The following B4GALNT4 variants were observed in gnomAD, a reference collection of about 807,000 sequenced individuals.
B4GALNT4 encodes beta-1,4-N-acetyl-galactosaminyltransferase 4, also known as N-acetyl-beta-glucosaminyl-glycoprotein 4-beta-N-acetylgalactosaminyltransferase 1.
A neutral mutation model predicts 110.0 loss-of-function variants in B4GALNT4; 77 were observed. That is an observed-to-expected ratio of 0.70 (90% CI 0.58 to 0.85). The LOEUF is 0.85. B4GALNT4 is among the 40% of genes least tolerant of loss of function. The pLI is 0.00. For synonymous variants in B4GALNT4, 785 were observed against 655.5 expected (o/e 1.20, Z -3.02); for missense variants, 1,575 against 1,506.0 (o/e 1.05, Z -0.76).
rs1387794174 is a variant in B4GALNT4 at position 373,098 on chromosome 11, A to G, written c.517A>G (p.Ile173Val). 5 of 1,612,060 alleles carry G rather than the reference A, an allele frequency of 3.1e-6. No homozygotes were observed. Among genetic ancestry groups the G allele is most frequent in the African/African-American group, 1.3e-5 (1 of 74,688 alleles). ...KNYGLRIFGF[I>V]HPARDGDVQF... Reference sequence around the variant, plus strand: ...CTATGGACTCCGTATTTTTGGTTTCATCCACCCGGCGAGGGACGGTACGGG... The same window carrying G: ...CTATGGACTCCGTATTTTTGGTTTCGTCCACCCGGCGAGGGACGGTACGGG... Residue 173 changes from isoleucine (I) to valine (V), a missense_variant, in exon 5 of 20, where the codon ATC becomes GTC. Coordinates refer to ENST00000329962, the MANE Select transcript of B4GALNT4 (RefSeq NM_178537.5).
intron 18 of B4GALNT4, 78 bp from the exon 19 acceptor site, chr11:380,747 G>A: frequency 6.2e-7 from 1 of 1,605,346 alleles, no homozygotes; most frequent in Non-Finnish European, 8.5e-7. Flanking sequence ...CCCTCCCGAG[G>A]TCTCCTAGCG....
chr11:373,568 G>T lies in B4GALNT4; in HGVS notation c.704+52G>T, dbSNP rs753674304. ...TGCACTTGTGTATTCGTGGGAGGGG[G>T]TTACGCGCTGTCTCCTTATCCTGTG... On this transcript the variant is annotated intron_variant, in intron 7 of 19. Transcript: ENST00000329962. 5 of 1,581,730 alleles carry T rather than the reference G, an allele frequency of 3.2e-6. No individual in the cohort carries two copies. In the South Asian group the frequency reaches 3.3e-5, roughly 10 times the overall value.
Position 369,712 on chromosome 11 carries a change from GGGGC to G in B4GALNT4, c.-87_-84del. ...CGGGGCCGCGGGCGCTGAGCGCGGC[GGGGC>G]GGGCCGGGGATGCGGCGCGGGGCGG... On this transcript the variant is annotated 5_prime_UTR_variant, in exon 1 of 20. Transcript: ENST00000329962. 1 of 638,682 alleles carries G rather than the reference GGGGC, an allele frequency of 1.6e-6. No individual in the cohort carries two copies. Among genetic ancestry groups the G allele is most frequent in the Non-Finnish European group, 1.9e-6 (1 of 516,884 alleles). The allele number at this position is 638,682 out of a possible 1,614,324, so 39.6% of individuals were successfully genotyped here.
Position 376,682 on chromosome 11 carries a change from A to G in B4GALNT4, c.1559A>G (p.Gln520Arg). The stretch of plus-strand genomic sequence containing the variant: ...CCGCCCCCGCGCCCTGCAGTGGAGC[A>G]GCCGCCCCCAAAGGTGTACGTGACC... ...RAPPPRPAVEQPPPKVYVTRV... is the reference protein window; with the variant it reads ...RAPPPRPAVERPPPKVYVTRV... Residue 520 changes from glutamine to arginine, a missense_variant, in exon 14 of 20, where the codon CAG becomes CGG. Transcript: ENST00000329962. 7.0e-7 allele frequency: 1 copy of G among 1,427,708 alleles called. No homozygotes were observed. Among genetic ancestry groups the G allele is most frequent in the Non-Finnish European group, 9.1e-7 (1 of 1,095,152 alleles). The allele number at this position is 1,427,708 out of a possible 1,614,324, so 88.4% of individuals were successfully genotyped here. A position where few individuals can be genotyped will look rare whatever the true frequency, so the allele number is the denominator to read the frequency against.
rs1252001729 is a variant in B4GALNT4, at chr11:377,157, C to T, written c.2034C>T (p.Asp678=). ...CGGCGCTCGGACGCTGGCGTGAGGA[C>T]GCCATCGACTGGCAGCGCACGTTCA... ...AGPALGRWRE[D]AIDWQRTFSV... is the part of the protein sequence containing the mutation. Residue 678 remains aspartate, a synonymous_variant, in exon 14 of 20, where the codon GAC becomes GAT. Coordinates refer to ENST00000329962, the MANE Select transcript of B4GALNT4 (RefSeq NM_178537.5). 3 of 1,554,074 alleles carry T rather than the reference C, an allele frequency of 1.9e-6. No homozygotes were observed. The highest frequency in any genetic ancestry group is 1.7e-4 in the Middle Eastern group (1 of 5,866).
chr11:381,785 C>T lies in B4GALNT4; in HGVS notation c.3113C>T (p.Ala1038Val), dbSNP rs745601138. The stretch of plus-strand genomic sequence containing the variant: ...AGCAGGAAGGGCTCTCGCACGGGGG[C>T]GTCTTGAGGACGGGCAGCCCCTCCC... ...VRSRKGSRTG[A>V]S is the part of the protein sequence containing the mutation. The change falls in exon 20 of 20, where the codon GCG becomes GTG. Residue 1038 changes from alanine (A) to valine (V), a missense_variant. By Grantham distance (64) the Ala-to-Val change is moderately conservative. Coordinates refer to ENST00000329962, the MANE Select transcript of B4GALNT4 (RefSeq NM_178537.5). The T allele has an allele frequency of 1.2e-5, 19 of 1,578,310 alleles. No homozygotes were observed. The highest frequency in any genetic ancestry group is 1.1e-4 in the Admixed American group (6 of 52,956).
At chr11:372,635 G>T in intron 2 of B4GALNT4, 27 bp from the exon 3 acceptor site, 1 of 1,596,614 alleles carries the variant, frequency 6.3e-7, no homozygotes, top group South Asian at 1.1e-5. Flanking sequence ...TTCCAACCCT[G>T]ACCCTGTTGC....
In B4GALNT4 at chr11:373,819, G is replaced by A. The variant is rs1590336179; in HGVS notation, c.774G>A (p.Val258=). The A allele has an allele frequency of 1.2e-6, 2 of 1,611,880 alleles. No homozygotes were observed. The highest frequency in any genetic ancestry group is 4.5e-5 in the East Asian group (2 of 44,854). ...HKQDDRGSDH[V]EVGWRAFLPG... is the part of the protein sequence containing the mutation. ...AGGACGACCGCGGCTCGGACCACGTGGAAGTGGGCGTGAGTGCCTTCCTCC... is the reference window on the plus strand; with the variant it reads ...AGGACGACCGCGGCTCGGACCACGTAGAAGTGGGCGTGAGTGCCTTCCTCC... Residue 258 remains valine (V), a synonymous_variant, in exon 8 of 20, where the codon GTG becomes GTA. Coordinates refer to ENST00000329962, the MANE Select transcript of B4GALNT4 (RefSeq NM_178537.5).
chr11:381,220 C>T (rs1846869142), intron 19 of B4GALNT4: 1 of 838,796 alleles, frequency 1.2e-6, no homozygotes, highest in Non-Finnish European at 1.4e-6. Flanking sequence ...GGCCCTGAGT[C>T]CCCATCATCC....
Position 379,440 on chromosome 11 carries a change from G to T in B4GALNT4, c.2227G>T (p.Val743Leu). ...CAGGCGCTTCGCGCTTCTGCGCATC[G>T]TGAACGTGGAGAAGCGCCGGGACTC... ...HGGRFALLRI[V>L]NVEKRRDSAR... The change falls in exon 15 of 20, where the codon GTG (valine) becomes TTG (leucine). Residue 743 changes from valine (V) to leucine (L), a missense_variant. Transcript: ENST00000329962. The T allele has an allele frequency of 1.3e-6, 2 of 1,539,760 alleles. No individual in the cohort carries two copies. The highest frequency in any genetic ancestry group is 1.7e-6 in the Non-Finnish European group (2 of 1,151,734).
chr11:372,805 C>A (rs779447219), intron 3 of B4GALNT4, 47 bp from the exon 4 acceptor site: 4 of 85,428 alleles, frequency 4.7e-5, no homozygotes, highest in Non-Finnish European at 7.3e-5. Context: ...GGGGCTGGGG[C>A]GGGGGGGCGG....
In B4GALNT4 at chr11:379,174, C is replaced by T. The variant is rs375449910; in HGVS notation, c.2205-244C>T. Among the ~76,000 whole-genome samples, 8 of 152,328 alleles carry T rather than the reference C, an allele frequency of 5.3e-5. No homozygotes were observed. The South Asian group carries it at 1.5e-3, about 28-fold the overall frequency. On this transcript the variant is annotated intron_variant, in intron 14 of 19. Coordinates refer to ENST00000329962, the MANE Select transcript of B4GALNT4 (RefSeq NM_178537.5). ...GGACGTGAGTGGTGGCCAGGAGGCC[C>T]GCGAGGAGGTGAGGATGGGCCTGGG...
Position 380,941 on chromosome 11 carries a change from C to T in B4GALNT4, c.2986C>T (p.Leu996Phe), listed in dbSNP as rs1846863743. 3 of 1,612,562 alleles carry T rather than the reference C, an allele frequency of 1.9e-6. No homozygotes were observed. The highest frequency in any genetic ancestry group is 2.5e-6 in the Non-Finnish European group (3 of 1,179,362). ...CCAGTGGGGGGGTGAAGACTGGGAG[C>T]TCCTGGACAGGTGACCACCTCCCCA... ...RDQWGGEDWE[L>F]LDRVLQAGLE... The change falls in exon 19 of 20, where the codon CTC becomes TTC. Residue 996 changes from leucine (L) to phenylalanine (F), a missense_variant. Coordinates refer to ENST00000329962, the MANE Select transcript of B4GALNT4 (RefSeq NM_178537.5).
intron 7 of B4GALNT4, 32 bp from the exon 8 acceptor site, chr11:373,718 C>T (rs1449170242): frequency 6.2e-7 from 1 of 1,607,504 alleles, no homozygotes; most frequent in Non-Finnish European, 8.5e-7. Flanking sequence ...GCGTCCTGTG[C>T]ATGGCACGAC....
In B4GALNT4 at chr11:381,949, C is replaced by T; in HGVS notation, c.*157C>T. The T allele has an allele frequency of 1.1e-6, 1 of 882,672 alleles. No homozygotes were observed. Among genetic ancestry groups the T allele is most frequent in the Non-Finnish European group, 1.6e-6 (1 of 636,460 alleles). The allele number at this position is 882,672 out of a possible 1,614,324, so 54.7% of individuals were successfully genotyped here. A position where few individuals can be genotyped will look rare whatever the true frequency, so the allele number is the denominator to read the frequency against. On this transcript the variant is annotated 3_prime_UTR_variant, in exon 20 of 20. Coordinates refer to ENST00000329962, the MANE Select transcript of B4GALNT4 (RefSeq NM_178537.5). ...CTGGCCCACTGGGCGTCGTGCCCCT[C>T]CCCGGAGAGGCAGCCTTCACGGCGG...
intron 8 of B4GALNT4, 60 bp downstream of exon 8, chr11:373,888 G>T: frequency 6.5e-7 from 1 of 1,546,208 alleles, no homozygotes; most frequent in Non-Finnish European, 8.9e-7. Context: ...CTCCCTGCAG[G>T]ACAACCGCAA....
Position 376,750 on chromosome 11 carries a change from C to T in B4GALNT4, c.1627C>T (p.Pro543Ser). Residue 543 changes from proline to serine, a missense_variant, in exon 14 of 20, where the codon CCG (proline) becomes TCG (serine). By Grantham distance (74) the Pro-to-Ser change is moderately conservative (BLOSUM62 -1). Transcript: ENST00000329962. ...GCGGGCATCCCCCCGGGCCCCAGCG[C>T]CGCGTGCGCCCTGGCCGCCCTTCCC... ...GQRASPRAPAPRAPWPPFPGV... is the reference protein window; with the variant it reads ...GQRASPRAPASRAPWPPFPGV... 1 of 1,389,840 alleles carries T rather than the reference C, an allele frequency of 7.2e-7. No individual in the cohort carries two copies. Among genetic ancestry groups the T allele is most frequent in the African/African-American group, 1.5e-5 (1 of 65,500 alleles). 86.1% of individuals were successfully genotyped at this position (1,389,840 alleles called of 1,614,324 possible).
At chr11:372,406 G>A (rs1468932145) in intron 2 of B4GALNT4, among the ~76,000 whole-genome samples, 194 bp downstream of exon 2, 3 of 152,104 alleles carry the variant, frequency 2.0e-5, no homozygotes, top group Non-Finnish European at 4.4e-5. Context: ...CTGTGTCTGG[G>A]GGCTGCAGCA....
rs1178103688 is a variant in B4GALNT4 at position 376,243 on chromosome 11, C to T, written c.1197-8C>T. On this transcript the variant is annotated splice_region_variant and splice_polypyrimidine_tract_variant and intron_variant, in intron 12 of 19. Transcript: ENST00000329962. ...GGGACTCGGCTCTGATGCCCCGCCG[C>T]GCCCCAGGTTTGGGTTCTATAAATA... 3 of 1,607,112 alleles carry T rather than the reference C, an allele frequency of 1.9e-6. No homozygotes were observed. The highest frequency in any genetic ancestry group is 2.6e-6 in the Non-Finnish European group (3 of 1,176,462).
Sources: gnomAD v4.1 joint callset for allele counts (sites outside exome capture counted in the v4.1 genomes callset) on GRCh38, gnomAD v4.1.1 for gene constraint, MANE v1.5 for transcripts, NCBI Gene and HGNC (gene_info 2026-07-23, HGNC 2026-07-21) for gene names.